Variants in SSBP3 observed in about 807,000 individuals in gnomAD.
SSBP3 encodes single stranded DNA binding protein 3.
SSBP3 carries 5 observed loss-of-function variants against 69.6 expected under a neutral mutation model. The ratio of observed to expected loss-of-function variants is 0.07; its 90% CI spans 0.04 to 0.15. SSBP3 has a LOEUF of 0.15. Ranked by LOEUF, SSBP3 falls within the 10% of genes least tolerant of loss-of-function variation. The pLI is 1.00. For missense variants in SSBP3, 312 were observed against 534.0 expected, an observed-to-expected ratio of 0.58 and a Z score of 4.10; for synonymous variants, 196 against 193.4, an observed-to-expected ratio of 1.01 and a Z score of -0.11.
chr1:54,323,732 A>AC (rs139081679), intron 4 of SSBP3, among the ~76,000 whole-genome samples: 1 of 152,288 alleles, frequency 6.6e-6, no homozygotes, highest in African/African-American at 2.4e-5. Flanking sequence ...GAAAGGACTG[A>AC]CCCAGAAGGA....
At chr1:54,398,039 C>T (rs181517360) in intron 4 of SSBP3, among the ~76,000 whole-genome samples, 1 of 152,272 alleles carries the variant, frequency 6.6e-6, no homozygotes, top group Admixed American at 6.5e-5. Context: ...AAATACCTCC[C>T]CTCTGTTTTG....
chr1:54,406,697 G>A (rs965006543), upstream of SSBP3, among the ~76,000 whole-genome samples: 2 of 152,028 alleles, frequency 1.3e-5, no homozygotes, highest in Admixed American at 1.3e-4. Context: ...CAGCGAGGAG[G>A]GGGATCTGAC....
chr1:54,308,796 A>G (rs150058151), intron 4 of SSBP3, among the ~76,000 whole-genome samples: 1 of 152,000 alleles, frequency 6.6e-6, no homozygotes, highest in African/African-American at 2.4e-5. Flanking sequence ...GAAGAAGAAT[A>G]GGATAAGCCA....
chr1:54,228,726 G>A, intron 15 of SSBP3, 22 bp downstream of exon 15: 2 of 1,571,528 alleles, frequency 1.3e-6, no homozygotes, highest in East Asian at 2.3e-5. Flanking sequence ...GGTGGGGCAT[G>A]GCGAGGGCAG....
chr1:54,405,981 C>G, exon 1 of SSBP3: 1 of 1,482,520 alleles, frequency 6.7e-7, no homozygotes, highest in Non-Finnish European at 9.0e-7. Context: ...TCCGAGGGCA[C>G]CGCCGAGCCT....
In SSBP3 at chr1:54,401,054, G is replaced by A. The variant is rs1443237435; in HGVS notation, c.276+807C>T. Among the ~76,000 whole-genome samples, 4 of 152,128 alleles carry A rather than the reference G, an allele frequency of 2.6e-5. No individual in the cohort carries two copies. The East Asian group carries it at 5.8e-4, about 22-fold the overall frequency. ...GAGGCTATGGAAGACCTTCAGACAC[G>A]TCCTCTTCCATCTCCCCAAGACAGA... is the stretch of plus-strand genomic sequence containing the variant. On this transcript the variant is annotated intron_variant, in intron 4 of 17. Coordinates refer to ENST00000610401, the Ensembl canonical transcript of SSBP3.
exon 11 of SSBP3, chr1:54,242,170 A>G (rs933244374): frequency 7.4e-6 from 12 of 1,613,346 alleles, no homozygotes; most frequent in Non-Finnish European, 1.0e-5. Context: ...TCACTGAGTT[A>G]GCACTGTTAG....
At chr1:54,274,552 C>T (rs1027678781) in intron 5 of SSBP3, among the ~76,000 whole-genome samples, 1 of 152,150 alleles carries the variant, frequency 6.6e-6, no homozygotes, top group Non-Finnish European at 1.5e-5. Flanking sequence ...TGCCCCCAAC[C>T]TATGTGGGCA....
chr1:54,321,731 C>T (rs1487702691), intron 4 of SSBP3, among the ~76,000 whole-genome samples: 1 of 152,218 alleles, frequency 6.6e-6, no homozygotes, highest in Non-Finnish European at 1.5e-5. Context: ...GCATCACTCA[C>T]GCAAACATAC....
chr1:54,410,840 T>C (rs1649969614), upstream of SSBP3, among the ~76,000 whole-genome samples: 1 of 152,150 alleles, frequency 6.6e-6, no homozygotes, highest in African/African-American at 2.4e-5. Context: ...TAGTCAGTGT[T>C]GGCTGAGCCC....
At chr1:54,280,641 C>G (rs1276768424) in intron 5 of SSBP3, among the ~76,000 whole-genome samples, 1 of 151,884 alleles carries the variant, frequency 6.6e-6, no homozygotes, top group Non-Finnish European at 1.5e-5. Flanking sequence ...GCCCTGCACG[C>G]TGTACCTCTC....
chr1:54,258,044 G>GA lies in SSBP3; in HGVS notation c.447+24_447+25insT. ...TCCTCCGCGCCCCGCGTCCCCGGCG[G>GA]GCGGGAGCGCCACGGTGCGTTTACC... is the stretch of plus-strand genomic sequence containing the variant. On this transcript the variant is annotated intron_variant, in intron 6 of 17. Transcript: ENST00000610401. This position sits in a 1 kb window ranked among gnomAD's most constrained non-coding sequence, Gnocchi z 4.5. 6.4e-7 allele frequency: 1 copy of GA among 1,566,298 alleles called. No homozygotes were observed. Among genetic ancestry groups the GA allele is most frequent in the South Asian group, 1.2e-5 (1 of 84,984 alleles).
At chr1:54,236,890 G>A (rs1228214338) in intron 14 of SSBP3, 1 of 152,226 alleles carries the variant, frequency 6.6e-6, no homozygotes, top group African/African-American at 2.4e-5. Flanking sequence ...TGTCGGGTAC[G>A]AGGTGTGAAC....
In SSBP3 at chr1:54,263,386, C is replaced by G. The variant is rs543037196; in HGVS notation, c.367-5237G>C. On this transcript the variant is annotated intron_variant, in intron 5 of 17. Transcript: ENST00000610401. ...CATTATGCGGGCCTGGGATCCAATC[C>G]CAGCTCCTCCGGTTCATTCGGAGTC... Among the ~76,000 whole-genome samples the G allele has an allele frequency of 1.8e-3, 272 of 152,318 alleles. 2 individuals carry two copies. Among genetic ancestry groups the G allele is most frequent in the Non-Finnish European group, 3.2e-3 (219 of 68,030 alleles).
At chr1:54,396,357 C>T (rs921276535) in intron 4 of SSBP3, among the ~76,000 whole-genome samples, 2 of 152,078 alleles carry the variant, frequency 1.3e-5, no homozygotes, top group African/African-American at 4.8e-5. Context: ...TATTACCAAG[C>T]TAAAAAAGAT....
intron 4 of SSBP3, among the ~76,000 whole-genome samples, chr1:54,342,155 G>A (rs143196983): frequency 4.6e-5 from 7 of 152,338 alleles, no homozygotes; most frequent in East Asian, 3.9e-4. Flanking sequence ...GGAAAGCAGC[G>A]CAGCCCAGGC....
At chr1:54,280,671 C>A (rs971724063) in intron 5 of SSBP3, among the ~76,000 whole-genome samples, 2 of 152,208 alleles carry the variant, frequency 1.3e-5, no homozygotes, top group African/African-American at 4.8e-5. Context: ...ATTCCCCAGT[C>A]TCAAGTTGGC....
intron 4 of SSBP3, among the ~76,000 whole-genome samples, chr1:54,379,023 G>A (rs1230017553): frequency 2.6e-5 from 4 of 152,138 alleles, no homozygotes; most frequent in Non-Finnish European, 5.9e-5. Flanking sequence ...CCACCGCCTG[G>A]CCAGGTCCCC....
intron 4 of SSBP3, among the ~76,000 whole-genome samples, chr1:54,338,482 C>T (rs551363430): frequency 3.3e-5 from 5 of 152,294 alleles, no homozygotes; most frequent in South Asian, 2.1e-4. Flanking sequence ...ACTCCCGACC[C>T]CTAACCCCAC....
Sources: gnomAD v4.1 joint callset for allele counts (sites outside exome capture counted in the v4.1 genomes callset) on GRCh38, gnomAD v4.1.1 for gene constraint, Gnocchi (gnomAD v3.1) non-coding constraint, MANE v1.5 for transcripts, NCBI Gene and HGNC (gene_info 2026-07-23, HGNC 2026-07-21) for gene names.